The following MACROD2 variants were observed in gnomAD, a reference collection of about 807,000 sequenced individuals.
The protein encoded by MACROD2 is ADP-ribose glycohydrolase MACROD2.
A neutral mutation model predicts 70.4 loss-of-function variants in MACROD2; 36 were observed. The observed-to-expected ratio is 0.51, with a 90% confidence interval of 0.39 to 0.68. The LOEUF (loss-of-function observed/expected upper bound fraction) is 0.68. MACROD2 is among the 30% of genes least tolerant of loss of function. The probability of loss-of-function intolerance (pLI) is 0.00; values close to 1 mark genes in which losing one functional copy is unlikely to be tolerated. For missense variants in MACROD2, 496 were observed against 538.4 expected (o/e 0.92, Z 0.78); for synonymous variants, 172 against 178.8 (o/e 0.96, Z 0.30).
intron 15 of MACROD2, among the ~76,000 whole-genome samples, chr20:15,987,854 G>T (rs2066508513): frequency 6.6e-6 from 1 of 152,118 alleles, no homozygotes; most frequent in South Asian, 2.1e-4. Flanking sequence ...TAAATATAAA[G>T]CAATCTCTTA....
At chr20:16,026,966 C>G (rs544839266) in intron 15 of MACROD2, among the ~76,000 whole-genome samples, 1 of 152,226 alleles carries the variant, frequency 6.6e-6, no homozygotes, top group South Asian at 2.1e-4. Flanking sequence ...TGTGTTTGCT[C>G]TGGGAGTAAT....
intron 12 of MACROD2, among the ~76,000 whole-genome samples, chr20:15,945,732 A>G (rs1041990114): frequency 6.6e-6 from 1 of 152,184 alleles, no homozygotes; most frequent in Non-Finnish European, 1.5e-5. Context: ...CCAATTTTGC[A>G]GATAACTGAG....
intron 6 of MACROD2, among the ~76,000 whole-genome samples, chr20:15,388,224 G>A (rs2045746151): frequency 6.6e-6 from 1 of 152,058 alleles, no homozygotes; most frequent in African/African-American, 2.4e-5. Context: ...GGTAAACAGT[G>A]TGTGCAAATG....
At chr20:15,578,408 G>A (rs942649274) in intron 8 of MACROD2, among the ~76,000 whole-genome samples, 2 of 152,204 alleles carry the variant, frequency 1.3e-5, no homozygotes, top group African/African-American at 2.4e-5. Flanking sequence ...AAGGAAGATA[G>A]TAATAGTGCC....
At chr20:14,338,553 T>C (rs780416657) in intron 3 of MACROD2, among the ~76,000 whole-genome samples, 23 of 152,194 alleles carry the variant, frequency 1.5e-4, no homozygotes, top group Non-Finnish European at 2.6e-4. Flanking sequence ...GTTTATATTA[T>C]TTAAAATGGA....
chr20:14,432,962 C>A (rs2084011600), intron 3 of MACROD2, among the ~76,000 whole-genome samples: 1 of 151,942 alleles, frequency 6.6e-6, no homozygotes, highest in Non-Finnish European at 1.5e-5. Context: ...AATTTGTAGT[C>A]ATAGAAAATA....
intron 6 of MACROD2, among the ~76,000 whole-genome samples, chr20:15,245,629 C>A (rs992899643): frequency 2.6e-5 from 4 of 152,134 alleles, no homozygotes; most frequent in Non-Finnish European, 4.4e-5. Flanking sequence ...AGTGTCCATG[C>A]AACCATTCTG....
chr20:15,938,056 A>G (rs1263182171), intron 12 of MACROD2, among the ~76,000 whole-genome samples: 2 of 151,566 alleles, frequency 1.3e-5, no homozygotes, highest in Non-Finnish European at 2.9e-5. Context: ...TTCTGACCCA[A>G]GTATTTCCAG....
intron 8 of MACROD2, among the ~76,000 whole-genome samples, chr20:15,621,485 A>C (rs1267774506): frequency 6.6e-6 from 1 of 152,242 alleles, no homozygotes; most frequent in African/African-American, 2.4e-5. Context: ...AAAATATAAA[A>C]ACTTCCTCTA....
Position 15,739,481 on chromosome 20 carries a change from T to C in MACROD2, c.646-123264T>C, listed in dbSNP as rs73897847. ...AAGAGACACATGAAGATGCAAAAAA[T>C]GAGCCAGCAGAAAATAGTCGTCTCT... On this transcript the variant is annotated intron_variant, in intron 8 of 17. Coordinates refer to ENST00000684519, the MANE Select transcript of MACROD2 (RefSeq NM_001351661.2). Among the ~76,000 whole-genome samples the C allele has an allele frequency of 5.8e-4, 88 of 151,990 alleles. 1 individual carries two copies. The South Asian group carries it at 0.018, about 32-fold the overall frequency.
At chr20:14,238,334 A>G (rs1285476477) in intron 3 of MACROD2, among the ~76,000 whole-genome samples, 1 of 152,242 alleles carries the variant, frequency 6.6e-6, no homozygotes, top group Non-Finnish European at 1.5e-5. Flanking sequence ...TAATGTAGAA[A>G]AACCTTTTAA....
chr20:15,324,608 C>G (rs185916661), intron 6 of MACROD2, among the ~76,000 whole-genome samples: 1 of 152,158 alleles, frequency 6.6e-6, no homozygotes, highest in African/African-American at 2.4e-5. Context: ...ATTGAAGTAA[C>G]GTTCTCCTTA....
At chr20:15,710,209 A>AAAAC (rs2050605753) in intron 8 of MACROD2, among the ~76,000 whole-genome samples, 1 of 151,050 alleles carries the variant, frequency 6.6e-6, no homozygotes, top group Non-Finnish European at 1.5e-5. Context: ...AAAAAAAAAA[A>AAAAC]AAAACAATTG....
At chr20:14,662,716 C>T (rs1444378301) in intron 4 of MACROD2, among the ~76,000 whole-genome samples, 4 of 151,434 alleles carry the variant, frequency 2.6e-5, no homozygotes, top group African/African-American at 9.8e-5. Context: ...TACATCTGAA[C>T]AACAATCATA....
intron 8 of MACROD2, among the ~76,000 whole-genome samples, chr20:15,615,787 C>G (rs6110694): frequency 0.2 from 30,761 of 152,008 alleles, 3,797 homozygotes; most frequent in African/African-American, 0.36. Flanking sequence ...AATTAGAAAT[C>G]GGACTCGGGG....
intron 15 of MACROD2, among the ~76,000 whole-genome samples, chr20:15,995,649 C>CTTTTGTTTTTTTTTTTTTT (rs2066619050): frequency 1.2e-5 from 1 of 85,508 alleles, no homozygotes; most frequent in Non-Finnish European, 2.3e-5. Context: ...TATGCCCGGC[C>CTTTTGTTTTTTTTTTTTTT]TTTTTTTTTT....
Position 15,411,730 on chromosome 20 carries a change from G to A in MACROD2, c.541-19675G>A, listed in dbSNP as rs538425874. Among the ~76,000 whole-genome samples the A allele has an allele frequency of 8.5e-5, 13 of 152,282 alleles. No individual in the cohort carries two copies. In the South Asian group the frequency reaches 2.7e-3, roughly 32 times the overall value. On this transcript the variant is annotated intron_variant, in intron 6 of 17. Transcript: ENST00000684519. ...GTTTTAGACTCTGTATGCAGCTGGG[G>A]AAAAAGTATGACCTACTGGGAAGCA...
intron 8 of MACROD2, among the ~76,000 whole-genome samples, chr20:15,504,722 G>C (rs2047404461): frequency 6.6e-6 from 1 of 152,120 alleles, no homozygotes; most frequent in Non-Finnish European, 1.5e-5. Flanking sequence ...GAATATCAGA[G>C]TTGGCAGTAA....
chr20:15,835,907 G>A (rs1160465706), intron 8 of MACROD2, among the ~76,000 whole-genome samples: 1 of 152,162 alleles, frequency 6.6e-6, no homozygotes, highest in Non-Finnish European at 1.5e-5. Flanking sequence ...GTTGCTTGCA[G>A]AATGCCTAGA....
Sources: allele counts gnomAD v4.1 joint callset (sites outside exome capture counted in the v4.1 genomes callset), GRCh38; gene constraint gnomAD v4.1.1; transcripts MANE v1.5; gene names NCBI Gene and HGNC (gene_info 2026-07-23, HGNC 2026-07-21).